The following SUPT3H variants were observed in gnomAD, a reference collection of about 807,000 sequenced individuals.
SUPT3H encodes the protein transcription initiation protein SPT3 homolog.
In SUPT3H, 44 loss-of-function variants were observed where a neutral mutation model predicts 44.3. That is an observed-to-expected ratio of 0.99 (90% CI 0.78 to 1.28). SUPT3H has a LOEUF of 1.28. Among genes scored for constraint, SUPT3H ranks in the 50% most tolerant of loss-of-function variants. The pLI, the probability that SUPT3H is intolerant of heterozygous loss-of-function variation, is 0.00. For synonymous variants in SUPT3H, 124 were observed against 125.6 expected (o/e 0.99, Z 0.09); for missense variants, 380 against 387.1 (o/e 0.98, Z 0.15).
chr6:45,311,074 A>G (rs2149988073), intron 2 of SUPT3H, among the ~76,000 whole-genome samples: 1 of 152,334 alleles, frequency 6.6e-6, no homozygotes, highest in East Asian at 1.9e-4. Context: ...AATAGATAGC[A>G]TAAAGAAAAT....
Position 45,299,858 on chromosome 6 carries a change from G to C in SUPT3H, c.101+65343C>G, listed in dbSNP as rs572077164. ...TAAAATTTTTATCTATAGGAAAAAT[G>C]TTTTTATGTTCTTTTTATTGTCCAA... On this transcript the variant is annotated intron_variant, in intron 2 of 10. Transcript: ENST00000371459. Among the ~76,000 whole-genome samples the C allele has an allele frequency of 1.1e-4, 11 of 97,600 alleles. No homozygotes were observed. In the South Asian group the frequency reaches 1.2e-3, roughly 11 times the overall value. 64.0% of individuals were successfully genotyped at this position (97,600 alleles called of 152,430 possible). A position where few individuals can be genotyped will look rare whatever the true frequency, so the allele number is the denominator to read the frequency against.
intron 11 of SUPT3H, among the ~76,000 whole-genome samples, chr6:44,817,665 C>G (rs1183770098): frequency 1.3e-5 from 2 of 149,366 alleles, no homozygotes; most frequent in African/African-American, 5.1e-5. Context: ...ATACAAAAAT[C>G]AATTTTATTT....
chr6:44,826,031 C>T (rs1767722561), downstream of SUPT3H, among the ~76,000 whole-genome samples: 1 of 152,190 alleles, frequency 6.6e-6, no homozygotes, highest in African/African-American at 2.4e-5. Flanking sequence ...ATCTATCTTG[C>T]TCTGGAAAAC....
chr6:45,262,194 T>C (rs928805036), intron 2 of SUPT3H, among the ~76,000 whole-genome samples: 1 of 152,042 alleles, frequency 6.6e-6, no homozygotes, highest in Non-Finnish European at 1.5e-5. Flanking sequence ...AAACCACCAA[T>C]CTCACTCTTC....
At chr6:45,016,671 A>G (rs1245672067) in intron 4 of SUPT3H, among the ~76,000 whole-genome samples, 1 of 151,404 alleles carries the variant, frequency 6.6e-6, no homozygotes, top group Admixed American at 6.6e-5. Context: ...AAGGACATGA[A>G]CTCATCACGT....
intron 2 of SUPT3H, among the ~76,000 whole-genome samples, chr6:45,157,823 G>A (rs1461551983): frequency 6.6e-6 from 1 of 151,656 alleles, no homozygotes; most frequent in Non-Finnish European, 1.5e-5. Context: ...TGGGATTACA[G>A]GAGTGAGCCA....
chr6:44,914,982 C>T (rs1046726743), intron 10 of SUPT3H, among the ~76,000 whole-genome samples: 2 of 152,194 alleles, frequency 1.3e-5, no homozygotes, highest in African/African-American at 2.4e-5. Flanking sequence ...GAGATGAGAT[C>T]TGGACTCTTA....
chr6:45,362,024 G>T lies in SUPT3H; in HGVS notation c.101+3177C>A, dbSNP rs144426135. ...AGAGATCAGGCAACTGCACTCCAGC[G>T]CCTGGGCAACAAAGCTAGATTCCTC... On this transcript the variant is annotated intron_variant, in intron 2 of 10. Coordinates refer to ENST00000371459, the MANE Select transcript of SUPT3H (RefSeq NM_003599.4). Among the ~76,000 whole-genome samples the T allele has an allele frequency of 1.3e-3, 202 of 152,094 alleles. 2 individuals are homozygous for T. Among genetic ancestry groups the T allele is most frequent in the Non-Finnish European group, 2.4e-3 (165 of 67,986 alleles).
intron 1 of SUPT3H, among the ~76,000 whole-genome samples, chr6:45,370,256 G>C (rs1479481084): frequency 6.6e-6 from 1 of 152,136 alleles, no homozygotes; most frequent in Non-Finnish European, 1.5e-5. Flanking sequence ...AATACATTTT[G>C]AAAGCAGAAC....
chr6:45,071,492 G>A (rs1315135936), intron 3 of SUPT3H, among the ~76,000 whole-genome samples: 1 of 152,040 alleles, frequency 6.6e-6, no homozygotes, highest in African/African-American at 2.4e-5. Context: ...AGCCAGAAAA[G>A]GGTAAAAGAG....
chr6:45,113,129 T>C (rs1034888524), intron 2 of SUPT3H, among the ~76,000 whole-genome samples: 1 of 152,058 alleles, frequency 6.6e-6, no homozygotes, highest in African/African-American at 2.4e-5. Flanking sequence ...GTTCAAAGCA[T>C]TTTTTGATTA....
chr6:45,180,875 A>C (rs1256677132), intron 2 of SUPT3H, among the ~76,000 whole-genome samples: 3 of 151,184 alleles, frequency 2.0e-5, no homozygotes, highest in Non-Finnish European at 4.4e-5. Flanking sequence ...AATGGGATCT[A>C]ATTAAACTAA....
chr6:44,893,895 C>T (rs1191043146), intron 10 of SUPT3H, among the ~76,000 whole-genome samples: 1 of 143,742 alleles, frequency 7.0e-6, no homozygotes, highest in African/African-American at 2.5e-5. Flanking sequence ...TGCTTCCTGA[C>T]TTTTTAATGA....
chr6:45,153,729 T>C (rs1350956900), intron 2 of SUPT3H, among the ~76,000 whole-genome samples: 1 of 151,634 alleles, frequency 6.6e-6, no homozygotes, highest in African/African-American at 2.4e-5. Flanking sequence ...AAGTAGCCAG[T>C]AGTGGTGGCA....
intron 10 of SUPT3H, among the ~76,000 whole-genome samples, chr6:44,832,003 A>G (rs1477884213): frequency 6.6e-6 from 1 of 152,196 alleles, no homozygotes; most frequent in Non-Finnish European, 1.5e-5. Flanking sequence ...TCTGAAATAA[A>G]TAAAGAAGGA....
chr6:45,002,527 A>G (rs988733308), intron 6 of SUPT3H, among the ~76,000 whole-genome samples: 2 of 152,104 alleles, frequency 1.3e-5, no homozygotes, highest in East Asian at 1.9e-4. Context: ...GTAATGCATC[A>G]TAAGTGAAAC....
At chr6:45,031,208 T>C (rs1202545874) in intron 3 of SUPT3H, among the ~76,000 whole-genome samples, 1 of 152,184 alleles carries the variant, frequency 6.6e-6, no homozygotes. Context: ...TTTATAACTT[T>C]TAGTACTCAC....
intron 2 of SUPT3H, among the ~76,000 whole-genome samples, chr6:45,158,099 A>T (rs1808160015): frequency 6.9e-6 from 1 of 145,706 alleles, no homozygotes; most frequent in Non-Finnish European, 1.5e-5. Context: ...TTTATATACT[A>T]ATATATATTA....
At chr6:45,017,680 G>C (rs1353202937) in intron 4 of SUPT3H, among the ~76,000 whole-genome samples, 1 of 147,484 alleles carries the variant, frequency 6.8e-6, no homozygotes, top group African/African-American at 2.5e-5. Flanking sequence ...ATTTCTGAGG[G>C]CTCTGTTCTG....
Sources: allele counts gnomAD v4.1 joint callset (sites outside exome capture counted in the v4.1 genomes callset), GRCh38; gene constraint gnomAD v4.1.1; transcripts MANE v1.5; gene names NCBI Gene and HGNC (gene_info 2026-07-23, HGNC 2026-07-21).